Variants in DPP6 observed in about 807,000 individuals in gnomAD.
DPP6 encodes the protein dipeptidyl peptidase like 6, also known as A-type potassium channel modulatory protein DPP6.
In DPP6, 69 loss-of-function variants were observed where a neutral mutation model predicts 122.6. The observed-to-expected ratio is 0.56, with a 90% CI of 0.46 to 0.69. The LOEUF (loss-of-function observed/expected upper bound fraction) is 0.69. Ranked by LOEUF, DPP6 falls within the 30% of genes least tolerant of loss-of-function variation. The pLI is 0.00. For synonymous variants in DPP6, 418 were observed against 433.1 expected (o/e 0.97, Z 0.43); for missense variants, 928 against 1,116.9 (o/e 0.83, Z 2.41).
chr7:154,544,353 C>T (rs1460410105), intron 4 of DPP6, among the ~76,000 whole-genome samples: 9 of 152,104 alleles, frequency 5.9e-5, no homozygotes, highest in Non-Finnish European at 1.5e-5. Context: ...CCCCAAAGCA[C>T]AAGTGCATCA....
At position 154,603,171 on chromosome 7, in the gene DPP6, A is replaced by G. The variant is rs762266990; in HGVS notation, c.628-34650A>G. ...TTGACTCATTCAAGATTTTATCTTT[A>G]TCTTTGATTTTCAGCAGTTTGAATA... On this transcript the variant is annotated intron_variant, in intron 5 of 25. Transcript: ENST00000377770. 8.5e-5 allele frequency among the ~76,000 whole-genome samples: 10 copies of G among 118,166 alleles called. 3 individuals carry two copies. The highest frequency in any genetic ancestry group is 1.5e-4 in the Non-Finnish European group (8 of 52,854). 77.5% of individuals were successfully genotyped at this position (118,166 alleles called of 152,430 possible). A position where few individuals can be genotyped will look rare whatever the true frequency, so the allele number is the denominator to read the frequency against.
At chr7:154,319,281 C>T (rs775692086) in intron 1 of DPP6, among the ~76,000 whole-genome samples, 35 of 152,158 alleles carry the variant, frequency 2.3e-4, no homozygotes, top group Non-Finnish European at 4.3e-4. Context: ...CTAACACAGG[C>T]GAGATTTTTA....
intron 1 of DPP6, among the ~76,000 whole-genome samples, chr7:154,072,909 G>T (rs990257311): frequency 2.0e-5 from 3 of 152,274 alleles, no homozygotes; most frequent in African/African-American, 7.2e-5. Context: ...GGGTATGGTT[G>T]TCTGGCACAG....
chr7:154,592,370 C>G (rs1050145470), intron 5 of DPP6, among the ~76,000 whole-genome samples: 1 of 152,232 alleles, frequency 6.6e-6, no homozygotes, highest in African/African-American at 2.4e-5. Flanking sequence ...TTTTGATTCC[C>G]TCCTGCCAAT....
At chr7:154,336,388 G>A (rs1809424470) in intron 1 of DPP6, among the ~76,000 whole-genome samples, 1 of 152,172 alleles carries the variant, frequency 6.6e-6, no homozygotes, top group Non-Finnish European at 1.5e-5. Flanking sequence ...TCTTGCTTCA[G>A]TGACTAGCAT....
intron 1 of DPP6, among the ~76,000 whole-genome samples, chr7:154,140,521 A>G (rs1335268903): frequency 2.0e-5 from 3 of 152,242 alleles, no homozygotes; most frequent in South Asian, 2.1e-4. Context: ...AGGTCTCACT[A>G]TGTTGCCCAG....
At chr7:154,125,505 G>A (rs1041696658) in intron 1 of DPP6, among the ~76,000 whole-genome samples, 2 of 152,212 alleles carry the variant, frequency 1.3e-5, no homozygotes, top group Non-Finnish European at 2.9e-5. Context: ...GCACCTGAGT[G>A]TGAACGCATC....
intron 1 of DPP6, among the ~76,000 whole-genome samples, chr7:154,387,833 G>T (rs1443321169): frequency 6.6e-6 from 1 of 152,094 alleles, no homozygotes; most frequent in Non-Finnish European, 1.5e-5. Flanking sequence ...CTCTTTGTAC[G>T]CCATACCTTC....
the DPP6 span, among the ~76,000 whole-genome samples, chr7:153,809,334 C>G: frequency 6.6e-6 from 1 of 151,936 alleles, no homozygotes; most frequent in Admixed American, 6.6e-5. Context: ...TTTCTGTGTC[C>G]CCACCCCTAC....
intron 1 of DPP6, among the ~76,000 whole-genome samples, chr7:154,366,758 A>C (rs1241485315): frequency 6.6e-6 from 1 of 152,358 alleles, no homozygotes; most frequent in Non-Finnish European, 1.5e-5. Flanking sequence ...AATGGGATAA[A>C]AAAAATCAGA....
At chr7:154,232,024 C>A (rs902719819) in intron 1 of DPP6, among the ~76,000 whole-genome samples, 17 of 152,134 alleles carry the variant, frequency 1.1e-4, no homozygotes, top group Admixed American at 1.1e-3. Flanking sequence ...CAAACAGCCT[C>A]GTGTTTCATG....
At chr7:154,147,787 G>A (rs567226265) in intron 1 of DPP6, among the ~76,000 whole-genome samples, 3 of 151,842 alleles carry the variant, frequency 2.0e-5, no homozygotes, top group South Asian at 2.1e-4. Context: ...CAGGTGATCC[G>A]CCTGCCTCAG....
At chr7:154,405,143 CATT>C (rs1815973388) in intron 1 of DPP6, among the ~76,000 whole-genome samples, 1 of 152,020 alleles carries the variant, frequency 6.6e-6, no homozygotes, top group Non-Finnish European at 1.5e-5. Context: ...AAGTAAGACC[CATT>C]ATTATCCCAG....
chr7:154,654,403 A>ATCTT (rs532655926), intron 6 of DPP6, among the ~76,000 whole-genome samples: 16,587 of 37,260 alleles, frequency 0.45, 2,297 homozygotes, highest in Non-Finnish European at 0.57. Context: ...CTATATCCAA[A>ATCTT]TCTTTCTTTC....
the DPP6 span, among the ~76,000 whole-genome samples, chr7:153,869,827 C>T: frequency 6.6e-6 from 1 of 152,096 alleles, no homozygotes; most frequent in Non-Finnish European, 1.5e-5. Context: ...CCTTCAGGAG[C>T]TCTTTTAGGG....
intron 16 of DPP6, among the ~76,000 whole-genome samples, chr7:154,813,895 T>TTTG (rs1554475529): frequency 4.0e-5 from 6 of 149,478 alleles, no homozygotes; most frequent in Non-Finnish European, 7.4e-5. Context: ...TTTTTTTTTT[T>TTTG]TTGAGATGGA....
chr7:154,644,544 G>T (rs564874680), intron 6 of DPP6, among the ~76,000 whole-genome samples: 6 of 152,114 alleles, frequency 3.9e-5, no homozygotes, highest in Non-Finnish European at 2.9e-5. Context: ...TTCTTCCTGT[G>T]TGTGAGTCTC....
chr7:154,777,457 A>T (rs79638146), intron 10 of DPP6, among the ~76,000 whole-genome samples: 5,819 of 152,280 alleles, frequency 0.038, 376 homozygotes, highest in African/African-American at 0.13. Context: ...GAACCTGACC[A>T]GGAAAGAATA....
intron 1 of DPP6, among the ~76,000 whole-genome samples, chr7:153,967,098 A>G (rs1795785637): frequency 6.6e-6 from 1 of 151,730 alleles, no homozygotes; most frequent in Non-Finnish European, 1.5e-5. Flanking sequence ...AAAGATAAAA[A>G]AAAAATCTCT....
Sources: gnomAD v4.1 joint callset for allele counts (sites outside exome capture counted in the v4.1 genomes callset) on GRCh38, gnomAD v4.1.1 for gene constraint, MANE v1.5 for transcripts, NCBI Gene and HGNC (gene_info 2026-07-23, HGNC 2026-07-21) for gene names.